The following ZNF704 variants were observed in gnomAD, a reference collection of about 807,000 sequenced individuals.
The protein encoded by ZNF704 is zinc finger protein 704, also known as glucocorticoid induced gene 1.
ZNF704 carries 10 observed loss-of-function variants against 44.7 expected under a neutral mutation model. The ratio of observed to expected loss-of-function variants is 0.22; its 90% CI spans 0.14 to 0.38. The LOEUF (loss-of-function observed/expected upper bound fraction) is 0.38, where lower values mean the gene tolerates loss of function less well. Among genes scored for constraint, ZNF704 ranks in the 10% least tolerant of loss-of-function variants. ZNF704 has a pLI of 1.00. For synonymous variants in ZNF704, 211 were observed against 207.6 expected, an observed-to-expected ratio of 1.02 and a Z score of -0.14; for missense variants, 390 against 545.5, an observed-to-expected ratio of 0.71 and a Z score of 2.84.
At chr8:80,779,182 C>G (rs1215920006) in intron 2 of ZNF704, among the ~76,000 whole-genome samples, 1 of 148,324 alleles carries the variant, frequency 6.7e-6, no homozygotes, top group Non-Finnish European at 1.5e-5. Context: ...CTCTTTTTAT[C>G]TTTTATGACA....
intron 1 of ZNF704, among the ~76,000 whole-genome samples, chr8:80,858,215 GC>G (rs1222913720): frequency 1.3e-5 from 2 of 152,030 alleles, no homozygotes; most frequent in African/African-American, 4.8e-5. Flanking sequence ...AAAAGAATCA[GC>G]TTTTGGTTTC....
At chr8:80,747,008 C>T (rs1454306858) in intron 2 of ZNF704, among the ~76,000 whole-genome samples, 2 of 152,022 alleles carry the variant, frequency 1.3e-5, no homozygotes, top group Non-Finnish European at 2.9e-5. Flanking sequence ...GTCCTGAATC[C>T]AGTTTATACT....
In ZNF704 at chr8:80,630,914, C is replaced by T. The variant is rs1308825640; in HGVS notation, c.*10452G>A. ...AAAAAAACATGTATGATCCACATTCCTGGGTTAGTTTACACCCAGGACATT... is the reference window on the plus strand; with the variant it reads ...AAAAAAACATGTATGATCCACATTCTTGGGTTAGTTTACACCCAGGACATT... On this transcript the variant is annotated 3_prime_UTR_variant, in exon 9 of 9. Coordinates refer to ENST00000327835, the MANE Select transcript of ZNF704 (RefSeq NM_001033723.3). The T allele has an allele frequency of 1.3e-5, 2 of 152,016 alleles. No individual in the cohort carries two copies. The highest frequency in any genetic ancestry group is 2.9e-5 in the Non-Finnish European group (2 of 68,006). 9.4% of individuals were successfully genotyped at this position (152,016 alleles called of 1,614,324 possible).
intron 2 of ZNF704, among the ~76,000 whole-genome samples, chr8:80,735,670 G>GT (rs1394075780): frequency 6.6e-6 from 1 of 152,144 alleles, no homozygotes; most frequent in East Asian, 1.9e-4. Flanking sequence ...ACTCACTTTG[G>GT]TAGAGACCTG....
intron 1 of ZNF704, among the ~76,000 whole-genome samples, chr8:80,840,797 T>C (rs911350212): frequency 6.6e-6 from 1 of 152,328 alleles, no homozygotes; most frequent in African/African-American, 2.4e-5. Context: ...AGCCTATCAC[T>C]AAGTTTAATA....
intron 1 of ZNF704, among the ~76,000 whole-genome samples, chr8:80,852,991 G>A (rs901797834): frequency 1.3e-5 from 2 of 152,092 alleles, no homozygotes; most frequent in African/African-American, 4.8e-5. Flanking sequence ...TTTGTTTTAA[G>A]GTAGGTCACC....
intron 2 of ZNF704, among the ~76,000 whole-genome samples, chr8:80,702,034 A>G (rs529188149): frequency 6.6e-6 from 1 of 152,340 alleles, no homozygotes; most frequent in African/African-American, 2.4e-5. Context: ...AGGAGCTAGT[A>G]GGGATGAATA....
intron 2 of ZNF704, among the ~76,000 whole-genome samples, chr8:80,722,438 G>T (rs898266794): frequency 6.6e-6 from 1 of 152,128 alleles, no homozygotes; most frequent in Non-Finnish European, 1.5e-5. Context: ...AATTAATCAG[G>T]CCAGGTCCTG....
intron 1 of ZNF704, among the ~76,000 whole-genome samples, chr8:80,837,629 C>T (rs1808604769): frequency 6.6e-6 from 1 of 152,152 alleles, no homozygotes; most frequent in African/African-American, 2.4e-5. Flanking sequence ...CCCCCTACTC[C>T]CCCAATGAGT....
chr8:80,792,365 A>T (rs944468424), intron 2 of ZNF704, among the ~76,000 whole-genome samples: 1 of 152,202 alleles, frequency 6.6e-6, no homozygotes, highest in Non-Finnish European at 1.5e-5. Context: ...AACACTTGGA[A>T]ATATGTAAGA....
chr8:80,723,481 A>G (rs965509316), intron 2 of ZNF704, among the ~76,000 whole-genome samples: 2 of 152,218 alleles, frequency 1.3e-5, no homozygotes, highest in Non-Finnish European at 2.9e-5. Context: ...AATAGGATAA[A>G]GTTCTGCGGA....
intron 2 of ZNF704, among the ~76,000 whole-genome samples, chr8:80,730,826 A>T (rs1406055149): frequency 1.3e-5 from 2 of 152,194 alleles, no homozygotes; most frequent in Admixed American, 6.5e-5. Flanking sequence ...ACATGAGTTG[A>T]ATTAGTTATA....
chr8:80,705,872 C>T (rs968501550), intron 2 of ZNF704, among the ~76,000 whole-genome samples: 2 of 152,130 alleles, frequency 1.3e-5, no homozygotes, highest in Admixed American at 1.3e-4. Flanking sequence ...CTGGAAAGTG[C>T]TCTTGATTGT....
At chr8:80,786,096 T>C in intron 2 of ZNF704, among the ~76,000 whole-genome samples, 1 of 151,858 alleles carries the variant, frequency 6.6e-6, no homozygotes, top group East Asian at 1.9e-4. Context: ...TCTGTCTCTA[T>C]AAAAAAACCC....
chr8:80,747,157 A>G (rs1308909549), intron 2 of ZNF704, among the ~76,000 whole-genome samples: 1 of 152,096 alleles, frequency 6.6e-6, no homozygotes, highest in Non-Finnish European at 1.5e-5. Context: ...TATGGGACCA[A>G]TTCTGACTTC....
intron 2 of ZNF704, among the ~76,000 whole-genome samples, chr8:80,725,793 G>A (rs992368686): frequency 6.6e-6 from 1 of 152,090 alleles, no homozygotes; most frequent in Non-Finnish European, 1.5e-5. Flanking sequence ...AACACATCTG[G>A]AGCCATACAG....
At chr8:80,682,984 A>C (rs1437929871) in intron 4 of ZNF704, among the ~76,000 whole-genome samples, 1 of 152,238 alleles carries the variant, frequency 6.6e-6, no homozygotes, top group African/African-American at 2.4e-5. Flanking sequence ...GAAAGGGCAC[A>C]CAAATCATTT....
intron 7 of ZNF704, among the ~76,000 whole-genome samples, chr8:80,644,082 T>C (rs1405294788): frequency 6.6e-6 from 1 of 152,182 alleles, no homozygotes; most frequent in African/African-American, 2.4e-5. Flanking sequence ...GCGCTCACTA[T>C]GTGCAGGTAC....
chr8:80,668,013 C>T (rs1818222272), intron 5 of ZNF704, among the ~76,000 whole-genome samples: 1 of 152,302 alleles, frequency 6.6e-6, no homozygotes, highest in African/African-American at 2.4e-5. Flanking sequence ...CAATTTTCAC[C>T]ATCACCAGGA....
Sources: allele counts gnomAD v4.1 joint callset (sites outside exome capture counted in the v4.1 genomes callset), GRCh38; gene constraint gnomAD v4.1.1; transcripts MANE v1.5; gene names NCBI Gene and HGNC (gene_info 2026-07-23, HGNC 2026-07-21).